Variants in FGF14 observed in about 807,000 individuals in gnomAD.
The protein encoded by FGF14 is fibroblast growth factor 14.
FGF14 carries 5 observed loss-of-function variants against 25.5 expected under a neutral mutation model. The ratio of observed to expected loss-of-function variants is 0.20; its 90% CI spans 0.10 to 0.41. FGF14 has a LOEUF of 0.41. Ranked by LOEUF, FGF14 falls within the 10% of genes least tolerant of loss-of-function variation. FGF14 has a pLI of 1.00. For missense variants in FGF14, 222 were observed against 320.1 expected (o/e 0.69, Z 2.34); for synonymous variants, 138 against 118.3 (o/e 1.17, Z -1.08).
chr13:101,729,376 G>T (rs1295966110), intron 3 of FGF14, among the ~76,000 whole-genome samples: 1 of 152,066 alleles, frequency 6.6e-6, no homozygotes, highest in Non-Finnish European at 1.5e-5. Flanking sequence ...CTATAGAACC[G>T]ATAGAACCAA....
At chr13:102,195,939 TAGAC>T (rs143085139) in intron 1 of FGF14, among the ~76,000 whole-genome samples, 29,032 of 152,014 alleles carry the variant, frequency 0.19, 3,304 homozygotes, top group Admixed American at 0.27. Flanking sequence ...AAATTTGTTG[TAGAC>T]AGACAGAAAA....
intron 1 of FGF14, among the ~76,000 whole-genome samples, chr13:102,069,072 G>T (rs979398769): frequency 1.3e-5 from 2 of 152,050 alleles, no homozygotes; most frequent in Admixed American, 1.3e-4. Flanking sequence ...TGGGGCCTCC[G>T]AGAACCTTTA....
intron 1 of FGF14, among the ~76,000 whole-genome samples, chr13:102,119,831 C>T (rs1294603641): frequency 1.3e-5 from 2 of 152,164 alleles, no homozygotes; most frequent in East Asian, 1.9e-4. Flanking sequence ...TATGTTTGAA[C>T]ACTTTTATCA....
chr13:101,953,587 T>TAA (rs1223791658), intron 1 of FGF14, among the ~76,000 whole-genome samples: 3 of 149,322 alleles, frequency 2.0e-5, no homozygotes, highest in African/African-American at 4.9e-5. Context: ...TATATATATA[T>TAA]AATTTTTATT....
chr13:101,915,983 G>A (rs1306564066), intron 1 of FGF14, among the ~76,000 whole-genome samples: 4 of 152,202 alleles, frequency 2.6e-5, no homozygotes, highest in Non-Finnish European at 4.4e-5. Context: ...ATTTGTCCAA[G>A]GTCTGGGAAC....
chr13:102,395,898 T>C (rs1204860143), intron 1 of FGF14, among the ~76,000 whole-genome samples: 1 of 152,238 alleles, frequency 6.6e-6, no homozygotes, highest in African/African-American at 2.4e-5. Flanking sequence ...TCCCTCCTTT[T>C]GTTCCCTTCT....
At position 101,825,338 on chromosome 13, in the gene FGF14, G is replaced by A. The variant is rs144667872; in HGVS notation, c.408+43387C>T. On this transcript the variant is annotated intron_variant, in intron 3 of 4. Transcript: ENST00000376143. The stretch of plus-strand genomic sequence containing the variant: ...AAGAAAATCACATCTGGCATCAGAA[G>A]TAAAGATTCTTGAGAGTATACTAAG... Among the ~76,000 whole-genome samples, 13 of 152,318 alleles carry A rather than the reference G, an allele frequency of 8.5e-5. No individual in the cohort carries two copies. In the East Asian group the frequency reaches 2.5e-3, roughly 29 times the overall value.
intron 3 of FGF14, among the ~76,000 whole-genome samples, chr13:101,787,247 G>C (rs1403734943): frequency 6.6e-6 from 1 of 152,164 alleles, no homozygotes; most frequent in Non-Finnish European, 1.5e-5. Flanking sequence ...ATTTCAAATA[G>C]TGTTGTAATA....
chr13:102,265,238 C>T (rs73569731), intron 1 of FGF14, among the ~76,000 whole-genome samples: 6,938 of 152,058 alleles, frequency 0.046, 531 homozygotes, highest in African/African-American at 0.16. Flanking sequence ...TAAATTTTGG[C>T]GCTTTCTGGT....
intron 1 of FGF14, among the ~76,000 whole-genome samples, chr13:102,139,575 C>G (rs2046551855): frequency 6.6e-6 from 1 of 152,054 alleles, no homozygotes; most frequent in African/African-American, 2.4e-5. Flanking sequence ...ATGAGCAATG[C>G]TCCACGGATG....
chr13:101,823,839 A>C (rs559536944), intron 3 of FGF14, among the ~76,000 whole-genome samples: 1 of 149,558 alleles, frequency 6.7e-6, no homozygotes, highest in Non-Finnish European at 1.5e-5. Context: ...TATATAAAAT[A>C]GTATCTATAT....
At chr13:102,272,887 A>G (rs1035218108) in intron 1 of FGF14, among the ~76,000 whole-genome samples, 30 of 152,234 alleles carry the variant, frequency 2.0e-4, no homozygotes, top group Admixed American at 1.8e-3. Context: ...AAATAAGGAA[A>G]GAAATTCATT....
chr13:102,016,495 T>G (rs1430000507), intron 1 of FGF14, among the ~76,000 whole-genome samples: 2 of 152,186 alleles, frequency 1.3e-5, no homozygotes, highest in African/African-American at 4.8e-5. Flanking sequence ...TACAAATACC[T>G]AGACCTAAAC....
chr13:102,248,748 T>C (rs1010423169), intron 1 of FGF14, among the ~76,000 whole-genome samples: 1 of 152,016 alleles, frequency 6.6e-6, no homozygotes. Flanking sequence ...ACAAAACATA[T>C]TACATGCAGA....
chr13:102,129,069 A>T (rs2046073065), intron 1 of FGF14, among the ~76,000 whole-genome samples: 1 of 152,076 alleles, frequency 6.6e-6, no homozygotes, highest in Non-Finnish European at 1.5e-5. Context: ...ACTGTGTCTC[A>T]AAATAAATAA....
chr13:102,349,136 C>A (rs139376704), intron 1 of FGF14, among the ~76,000 whole-genome samples: 1 of 152,130 alleles, frequency 6.6e-6, no homozygotes, highest in East Asian at 1.9e-4. Flanking sequence ...AGGAAAGCTC[C>A]CCACAACAAA....
intron 3 of FGF14, among the ~76,000 whole-genome samples, chr13:101,807,640 T>C (rs192633524): frequency 6.6e-6 from 1 of 152,080 alleles, no homozygotes; most frequent in Admixed American, 6.6e-5. Flanking sequence ...TCCCTGACCC[T>C]TAGGCCAGGG....
At chr13:102,309,135 TACACACACAC>T (rs34911009) in intron 1 of FGF14, among the ~76,000 whole-genome samples, 8 of 142,458 alleles carry the variant, frequency 5.6e-5, no homozygotes, top group East Asian at 4.3e-4. Flanking sequence ...ATGCATAACA[TACACACACAC>T]ACACACACAC....
chr13:101,940,001 CTCTGGGTGGGA>C (rs1028533982), intron 1 of FGF14, among the ~76,000 whole-genome samples: 3 of 152,172 alleles, frequency 2.0e-5, no homozygotes, highest in Admixed American at 1.3e-4. Context: ...ATTCAGAGAG[CTCTGGGTGGGA>C]TGCAGAATCC....
Sources: gnomAD v4.1 joint callset for allele counts (sites outside exome capture counted in the v4.1 genomes callset) on GRCh38, gnomAD v4.1.1 for gene constraint, MANE v1.5 for transcripts, NCBI Gene and HGNC (gene_info 2026-07-23, HGNC 2026-07-21) for gene names.